MSRA: variants seen among roughly 807,000 people sequenced by gnomAD.
MSRA encodes the protein methionine sulfoxide reductase A.
A neutral mutation model predicts 31.3 loss-of-function variants in MSRA; 54 were observed. That is an observed-to-expected ratio of 1.73 (90% CI 1.39 to 2.17). MSRA has a LOEUF of 2.17. Ranked by LOEUF, MSRA falls within the 30% of genes most tolerant of loss-of-function variation. The pLI, the probability that MSRA is intolerant of heterozygous loss-of-function variation, is 0.00. For missense variants in MSRA, 507 were observed against 300.9 expected, an observed-to-expected ratio of 1.69 and a Z score of -5.07; for synonymous variants, 169 against 116.5, an observed-to-expected ratio of 1.45 and a Z score of -2.90.
At chr8:10,087,925 G>A (rs915446361) in intron 1 of MSRA, among the ~76,000 whole-genome samples, 2 of 152,222 alleles carry the variant, frequency 1.3e-5, no homozygotes, top group East Asian at 3.8e-4. Context: ...GAAGAATTAG[G>A]TAGGTGCAAA....
At chr8:10,184,273 C>G (rs1019804247) in intron 1 of MSRA, among the ~76,000 whole-genome samples, 2 of 151,616 alleles carry the variant, frequency 1.3e-5, no homozygotes, top group East Asian at 1.9e-4. Context: ...GAGCAGTTCC[C>G]TCACTGCTCT....
intron 5 of MSRA, among the ~76,000 whole-genome samples, chr8:10,347,839 G>A (rs1178796331): frequency 6.6e-6 from 1 of 152,122 alleles, no homozygotes; most frequent in Admixed American, 6.5e-5. Flanking sequence ...CCTTTCTGCT[G>A]CCTTTACCAC....
intron 5 of MSRA, among the ~76,000 whole-genome samples, chr8:10,420,331 A>T (rs1389958157): frequency 2.7e-5 from 4 of 149,444 alleles, no homozygotes; most frequent in Non-Finnish European, 5.9e-5. Flanking sequence ...TTGTATTTTT[A>T]TTAGAATTAT....
chr8:10,291,809 G>A (rs982542784), intron 3 of MSRA, among the ~76,000 whole-genome samples: 2 of 152,118 alleles, frequency 1.3e-5, no homozygotes, highest in Non-Finnish European at 2.9e-5. Flanking sequence ...AAAAATTACT[G>A]TGTCTCCCTC....
chr8:10,157,796 C>T (rs914460521), intron 1 of MSRA, among the ~76,000 whole-genome samples: 5 of 152,038 alleles, frequency 3.3e-5, no homozygotes, highest in Non-Finnish European at 5.9e-5. Context: ...TTCTCTCTCT[C>T]CCCATCTCCC....
At chr8:10,323,523 C>A (rs4841316) in intron 5 of MSRA, among the ~76,000 whole-genome samples, 3 of 152,190 alleles carry the variant, frequency 2.0e-5, no homozygotes, top group African/African-American at 7.2e-5. Context: ...CAGTTTCTAT[C>A]CCATTGTAGT....
chr8:10,082,172 TCCAGTCTGGGTG>T (rs890367872), intron 1 of MSRA, among the ~76,000 whole-genome samples: 2 of 151,882 alleles, frequency 1.3e-5, no homozygotes, highest in African/African-American at 2.4e-5. Flanking sequence ...GCCACTATAC[TCCAGTCTGGGTG>T]GTAGTGTGAA....
intron 2 of MSRA, among the ~76,000 whole-genome samples, chr8:10,211,993 T>C (rs893369188): frequency 6.6e-6 from 1 of 152,050 alleles, no homozygotes; most frequent in Admixed American, 6.5e-5. Context: ...CAAGCTTAAT[T>C]TGTGAAGATT....
At chr8:10,247,273 A>C (rs1017295582) in intron 3 of MSRA, among the ~76,000 whole-genome samples, 6 of 152,092 alleles carry the variant, frequency 3.9e-5, no homozygotes. Context: ...AGAGAGGATA[A>C]ATAACTTACC....
intron 5 of MSRA, among the ~76,000 whole-genome samples, chr8:10,350,994 C>T (rs372558877): frequency 1.3e-5 from 2 of 152,346 alleles, no homozygotes; most frequent in African/African-American, 2.4e-5. Flanking sequence ...AGAACTCTTA[C>T]TCCCCATGAA....
intron 3 of MSRA, among the ~76,000 whole-genome samples, chr8:10,265,292 A>G (rs1798688488): frequency 6.6e-6 from 1 of 152,182 alleles, no homozygotes; most frequent in Non-Finnish European, 1.5e-5. Context: ...CATGGAGTCA[A>G]AGGCTGATCT....
chr8:10,245,507 T>C (rs1797576883), intron 3 of MSRA, among the ~76,000 whole-genome samples: 1 of 152,238 alleles, frequency 6.6e-6, no homozygotes, highest in Non-Finnish European at 1.5e-5. Context: ...TGATCAGCAG[T>C]TGAGGCTGGG....
chr8:10,138,663 A>G (rs1054808397), intron 1 of MSRA, among the ~76,000 whole-genome samples: 1 of 152,212 alleles, frequency 6.6e-6, no homozygotes, highest in Non-Finnish European at 1.5e-5. Flanking sequence ...AGAAGACTCT[A>G]AACACATTTA....
intron 5 of MSRA, among the ~76,000 whole-genome samples, chr8:10,327,815 C>G (rs530284753): frequency 6.6e-6 from 1 of 152,134 alleles, no homozygotes; most frequent in Admixed American, 6.5e-5. Flanking sequence ...CGCCTGTAGT[C>G]CCAGCTACTC....
chr8:10,086,871 GGAGAGGGAGAGA>G lies in MSRA; in HGVS notation c.142+32225_142+32236del, dbSNP rs1232992650. Among the ~76,000 whole-genome samples the G allele has an allele frequency of 3.4e-4, 51 of 150,706 alleles. No homozygotes were observed. In the East Asian group the frequency reaches 5.5e-3, roughly 16 times the overall value. ...CAGGCAGAGGAGAGAAGAGAGGGAGGGAGAGGGAGAGAGAGAGGGAGAGGGAGAGGGAGAGGG... is the reference window on the plus strand; with the variant it reads ...CAGGCAGAGGAGAGAAGAGAGGGAGGGAGAGGGAGAGGGAGAGGGAGAGGG... On this transcript the variant is annotated intron_variant, in intron 1 of 5. Coordinates refer to ENST00000317173, the MANE Select transcript of MSRA (RefSeq NM_012331.5).
At chr8:10,174,248 T>C (rs181036361) in intron 1 of MSRA, among the ~76,000 whole-genome samples, 33 of 151,992 alleles carry the variant, frequency 2.2e-4, no homozygotes, top group Non-Finnish European at 3.8e-4. Flanking sequence ...CTTCCAACTT[T>C]GTAAAGAGAG....
chr8:10,227,079 G>T (rs993598571), intron 2 of MSRA, among the ~76,000 whole-genome samples: 9 of 152,194 alleles, frequency 5.9e-5, no homozygotes, highest in Non-Finnish European at 1.3e-4. Context: ...TGGCTCCACT[G>T]TCCTTCAGAG....
chr8:10,175,261 C>T (rs1201835938), intron 1 of MSRA, among the ~76,000 whole-genome samples: 1 of 152,198 alleles, frequency 6.6e-6, no homozygotes, highest in Non-Finnish European at 1.5e-5. Flanking sequence ...TATTTGACTT[C>T]CTCTAGAATC....
Position 10,428,175 on chromosome 8 carries a change from A to G in MSRA, c.571A>G (p.Ile191Val). Residue 191 changes from isoleucine (I) to valine (V), a missense_variant, in exon 6 of 6, where the codon ATC (isoleucine) becomes GTC (valine). Transcript: ENST00000317173. ...TCTTTCAGAGCACGGCTTCGGCCCCATCACTACCGACATCCGGGAGGGACA... is the reference window on the plus strand; with the variant it reads ...TCTTTCAGAGCACGGCTTCGGCCCCGTCACTACCGACATCCGGGAGGGACA... ...KVLSEHGFGP[I>V]TTDIREGQTF... The G allele has an allele frequency of 6.2e-7, 1 of 1,614,022 alleles. No individual in the cohort carries two copies. Among genetic ancestry groups the G allele is most frequent in the Non-Finnish European group, 8.5e-7 (1 of 1,179,974 alleles).
Sources: gnomAD v4.1 joint callset for allele counts (sites outside exome capture counted in the v4.1 genomes callset) on GRCh38, gnomAD v4.1.1 for gene constraint, MANE v1.5 for transcripts, NCBI Gene and HGNC (gene_info 2026-07-23, HGNC 2026-07-21) for gene names.